The following OPLAH variants were observed in gnomAD, a reference collection of about 807,000 sequenced individuals.
OPLAH encodes 5-oxoprolinase.
OPLAH carries 103 observed loss-of-function variants against 122.8 expected under a neutral mutation model. The ratio of observed to expected loss-of-function variants is 0.84; its 90% confidence interval spans 0.71 to 0.99. The LOEUF is 0.99. OPLAH is among the 50% of genes least tolerant of loss of function. The pLI is 0.00. For missense variants in OPLAH, 1,902 were observed against 1,836.5 expected, an observed-to-expected ratio of 1.04 and a Z score of -0.65; for synonymous variants, 875 against 796.0, an observed-to-expected ratio of 1.10 and a Z score of -1.67.
chr8:144,059,091 C>A lies in OPLAH; in HGVS notation c.364-12G>T. On this transcript the variant is annotated splice_polypyrimidine_tract_variant and intron_variant, in intron 3 of 26. Coordinates refer to ENST00000618853, the MANE Select transcript of OPLAH (RefSeq NM_017570.5). The stretch of plus-strand genomic sequence containing the variant: ...GGCATGGGCACGGCCTGGGGGCGGG[C>A]AGAGACTCAGAAGAGGCCCAGGCCT... The A allele has an allele frequency of 6.4e-7, 1 of 1,560,802 alleles. No homozygotes were observed.
In OPLAH at chr8:144,055,824, G is replaced by T. The variant is rs1554758845; in HGVS notation, c.2212C>A (p.Leu738Met). The T allele has an allele frequency of 6.4e-7, 1 of 1,567,548 alleles. No individual in the cohort carries two copies. The highest frequency in any genetic ancestry group is 1.9e-5 in the Admixed American group (1 of 53,192). Residue 738 changes from leucine to methionine, a missense_variant, in exon 16 of 27, where the codon CTG becomes ATG. Coordinates refer to ENST00000618853, the MANE Select transcript of OPLAH (RefSeq NM_017570.5). The surrounding 1 kb of genome is among the most constrained non-coding windows in gnomAD (Gnocchi z 6.5). The part of the protein sequence containing the change: ...TVGPQLDPIQ[L>M]SIFSHRFMSI... ...ATGAAGCGGTGTGAGAAGATGGACAGCTGGATAGGGTCCAGCTGGGGGCCC... is the reference window on the plus strand; with the variant it reads ...ATGAAGCGGTGTGAGAAGATGGACATCTGGATAGGGTCCAGCTGGGGGCCC...
At chr8:144,059,185 CGGCAGGCCCAGGAGAGTCATACCT>C (rs1482232753) in intron 3 of OPLAH, 106 bp from the exon 4 acceptor site, 5 of 931,984 alleles carry the variant, frequency 5.4e-6, no homozygotes, top group East Asian at 2.6e-5. Flanking sequence ...ACAGGCCGGT[CGGCAGGCCCAGGAGAGTCATACCT>C]GGCAGCCCCA....
rs782070910 is a variant in OPLAH at position 144,054,780 on chromosome 8, C to T, written c.2511+32G>A. Reference sequence around the variant, plus strand: ...GGTCAGCTGCATCGGCCACCACTGCCCCAGCAGAGGCAGGCGGGCAGCACC... The same window carrying T: ...GGTCAGCTGCATCGGCCACCACTGCTCCAGCAGAGGCAGGCGGGCAGCACC... On this transcript the variant is annotated intron_variant, in intron 18 of 26. Transcript: ENST00000618853. 1.5e-5 allele frequency: 24 copies of T among 1,612,092 alleles called. No homozygotes were observed. In the South Asian group the frequency reaches 2.6e-4, roughly 18 times the overall value.
At chr8:144,061,274 G>A (rs988205795), upstream of OPLAH, among the ~76,000 whole-genome samples, 4 of 152,210 alleles carry the variant, frequency 2.6e-5, no homozygotes, top group Non-Finnish European at 5.9e-5. Context: ...CACAGGATGA[G>A]ATAGGAGGTC....
In OPLAH at chr8:144,053,066, C is replaced by A; in HGVS notation, c.2935G>T (p.Gly979Cys). ...TCCGAGGACACCTCCAGGGGCAGGC[C>A]CCGGGCCTGCCGGGAGGTTCCAAAG... ...RAFGTSRQAR[G>C]LPLEVSSEDH... Residue 979 changes from glycine (G) to cysteine (C), a missense_variant, in exon 21 of 27, where the codon GGC becomes TGC. This residue lies in a region of OPLAH where 1,726 missense variants were observed against 1,642.1 expected (regional missense o/e 1.05). Transcript: ENST00000618853. The A allele has an allele frequency of 6.2e-7, 1 of 1,601,940 alleles. No individual in the cohort carries two copies.
At chr8:144,053,424 G>A in intron 19 of OPLAH, 31 bp from the exon 20 acceptor site, 1 of 1,574,656 alleles carries the variant, frequency 6.4e-7, no homozygotes, top group Non-Finnish European at 8.6e-7. Context: ...CTGAGCCCCT[G>A]GCCAACCCTG....
At position 144,057,076 on chromosome 8, in the gene OPLAH, G is replaced by A. The variant is rs72695427; in HGVS notation, c.1578C>T (p.Asp526=). 112,205 of 1,602,184 alleles carry A rather than the reference G, an allele frequency of 0.07. 4,610 individuals carry two copies. The highest frequency in any genetic ancestry group is 0.082 in the Non-Finnish European group (96,056 of 1,175,444). The change falls in exon 12 of 27, where the codon GAC becomes GAT. Residue 526 remains aspartate, a synonymous_variant. Transcript: ENST00000618853. The part of the protein sequence containing the change: ...LLSALGLALA[D]VVHEAQEPCS... The stretch of plus-strand genomic sequence containing the variant: ...AGGGTTCCTGTGCCTCATGCACCAC[G>A]TCAGCCAGGGCCAGCCCCAGGGCCG...
Position 144,051,731 on chromosome 8 carries a change from C to CG in OPLAH, c.3717dup (p.Gly1240ArgfsTer41). On this transcript the variant is annotated frameshift_variant, in exon 26 of 27. Transcript: ENST00000618853. LOFTEE classifies it high-confidence loss of function. ...ACAGGACAGGCCGCGGCCCTTACCCCGGGGTACACGGTCACCGACGTCTTG... is the reference window on the plus strand; with the variant it reads ...ACAGGACAGGCCGCGGCCCTTACCCCGGGGGTACACGGTCACCGACGTCTTG... 2.5e-6 allele frequency: 4 copies of CG among 1,601,376 alleles called. No individual in the cohort carries two copies. The highest frequency in any genetic ancestry group is 3.4e-6 in the Non-Finnish European group (4 of 1,176,668).
chr8:144,058,990 C>A lies in OPLAH; in HGVS notation c.453G>T (p.Thr151=). ...VLHRGEAGTG[T]PVKGRTGDLL... ...CGGCGGCACACACACCTTTCACAGGCGTCCCGGTGCCCGCCTCTCCACGGT... is the reference window on the plus strand; with the variant it reads ...CGGCGGCACACACACCTTTCACAGGAGTCCCGGTGCCCGCCTCTCCACGGT... The change falls in exon 4 of 27, where the codon ACG becomes ACT. Residue 151 remains threonine (T), a synonymous_variant. Coordinates refer to ENST00000618853, the MANE Select transcript of OPLAH (RefSeq NM_017570.5). 6.4e-7 allele frequency: 1 copy of A among 1,563,794 alleles called. No homozygotes were observed. Among genetic ancestry groups the A allele is most frequent in the Non-Finnish European group, 8.7e-7 (1 of 1,155,780 alleles).
intron 26 of OPLAH, 124 bp downstream of exon 26, chr8:144,051,603 GCC>G: frequency 8.7e-7 from 1 of 1,150,760 alleles, no homozygotes; most frequent in Non-Finnish European, 1.2e-6. Flanking sequence ...CCCGGTACGC[GCC>G]CCCTTTCCTT....
chr8:144,054,733 C>T lies in OPLAH; in HGVS notation c.2514G>A (p.Val838=), dbSNP rs782620395. 65 of 1,612,276 alleles carry T rather than the reference C, an allele frequency of 4.0e-5. No homozygotes were observed. In the East Asian group the frequency reaches 1.4e-3, roughly 34 times the overall value. Residue 838 remains valine, a splice_region_variant and synonymous_variant, in exon 19 of 27, where the codon GTG becomes GTA. Coordinates refer to ENST00000618853, the MANE Select transcript of OPLAH (RefSeq NM_017570.5). The stretch of plus-strand genomic sequence containing the variant: ...CAGGCCGCGTCTGACCCGGCCAAAA[C>T]ACCTAGCGGGTGGAGAGCCACGGTC... ...HLPDLTVITP[V]FWPGQTRPVF... is the part of the protein sequence containing the mutation.
At chr8:144,051,001 G>T (rs1554757518), downstream of OPLAH, 15 of 1,106,588 alleles carry the variant, frequency 1.4e-5, no homozygotes, top group African/African-American at 1.6e-5. Flanking sequence ...GGCAGAAGCC[G>T]CCGAGCTAAG....
At chr8:144,051,211 A>G, downstream of OPLAH, 1 of 1,521,910 alleles carries the variant, frequency 6.6e-7, no homozygotes, top group Non-Finnish European at 8.8e-7. Flanking sequence ...TCCTAAGGCA[A>G]GCACAGATGA....
chr8:144,060,196 G>A (rs1360670657), intron 1 of OPLAH, 111 bp from the exon 2 acceptor site: 7 of 785,694 alleles, frequency 8.9e-6, no homozygotes. Flanking sequence ...ACGACTCTGG[G>A]AAGAGCCAGA....
downstream of OPLAH, chr8:144,050,608 A>C: frequency 1.0e-6 from 1 of 985,600 alleles, no homozygotes; most frequent in Non-Finnish European, 1.2e-6. Flanking sequence ...GGCACGCGCC[A>C]AAAGCAGCCC....
Position 144,055,305 on chromosome 8 carries a change from G to T in OPLAH, c.2249-116C>A. The T allele has an allele frequency of 8.7e-7, 1 of 1,143,752 alleles. No homozygotes were observed. Among genetic ancestry groups the T allele is most frequent in the Non-Finnish European group, 1.2e-6 (1 of 860,168 alleles). The allele number at this position is 1,143,752 out of a possible 1,614,324, so 70.9% of individuals were successfully genotyped here. ...CCCAGGACCCAGGAAAAACCCAGCA[G>T]CTTTTTCCTGGGGAAGACCAAGTTG... On this transcript the variant is annotated intron_variant, in intron 16 of 26. Transcript: ENST00000618853. This position sits in a 1 kb window ranked among gnomAD's most constrained non-coding sequence, Gnocchi z 6.5.
Position 144,052,587 on chromosome 8 carries a change from C to G in OPLAH, c.3165G>C (p.Ala1055=), listed in dbSNP as rs28428956. ...CTCGGGGAATGACCACGCGCACTGGCGCCAGGCAGCCCTGTGCGGGGCGGG... is the reference window on the plus strand; with the variant it reads ...CTCGGGGAATGACCACGCGCACTGGGGCCAGGCAGCCCTGTGCGGGGCGGG... The part of the protein sequence containing the change: ...RDIPLNQGCL[A]PVRVVIPRGS... Residue 1055 remains alanine, a synonymous_variant, in exon 23 of 27, where the codon GCG becomes GCC. Transcript: ENST00000618853. 1.1e-5 allele frequency: 17 copies of G among 1,595,430 alleles called. No individual in the cohort carries two copies. Among genetic ancestry groups the G allele is most frequent in the Non-Finnish European group, 1.4e-5 (17 of 1,177,054 alleles).
In OPLAH at chr8:144,055,798, C is replaced by T. The variant is rs781977395; in HGVS notation, c.2238G>A (p.Met746Ile). 3.2e-6 allele frequency: 5 copies of T among 1,543,778 alleles called. No homozygotes were observed. The highest frequency in any genetic ancestry group is 3.4e-4 in the Middle Eastern group (2 of 5,904). The part of the protein sequence containing the change: ...IQLSIFSHRF[M>I]SIAEQMGRIL... Reference sequence around the variant, plus strand: ...GCAGCGGCCACTCACCAGCAATGCTCATGAAGCGGTGTGAGAAGATGGACA... The same window carrying T: ...GCAGCGGCCACTCACCAGCAATGCTTATGAAGCGGTGTGAGAAGATGGACA... The change falls in exon 16 of 27, where the codon ATG (methionine) becomes ATA (isoleucine). Residue 746 changes from methionine (M) to isoleucine (I), a missense_variant. Physicochemically the swap from Met to Ile is conservative, Grantham distance 10. Around this residue, in one of 3 missense-constraint regions of OPLAH, gnomAD observed 1,726 missense variants for 1,642.1 expected, o/e 1.05. Transcript: ENST00000618853. This position sits in a 1 kb window ranked among gnomAD's most constrained non-coding sequence, Gnocchi z 6.5.
Position 144,055,143 on chromosome 8 carries a change from G to A in OPLAH, c.2295C>T (p.Ile765=). ...CACAGGAGAAGTCCAGACGCTCCTT[G>A]ATGTTGGTGGAGATGGCTGTGCGCT... ...ILQRTAISTN[I]KERLDFSCAL... Residue 765 remains isoleucine (I), a synonymous_variant, in exon 17 of 27, where the codon ATC becomes ATT. Transcript: ENST00000618853. The surrounding 1 kb of genome is among the most constrained non-coding windows in gnomAD (Gnocchi z 6.5). 6.3e-7 allele frequency: 1 copy of A among 1,580,852 alleles called. No homozygotes were observed.
Sources: allele counts gnomAD v4.1 joint callset (sites outside exome capture counted in the v4.1 genomes callset), GRCh38; gene constraint gnomAD v4.1.1; regional missense constraint gnomAD v4.1.1; non-coding constraint Gnocchi (gnomAD v3.1); transcripts MANE v1.5; gene names NCBI Gene and HGNC (gene_info 2026-07-23, HGNC 2026-07-21).